DNAJC6: variants seen among roughly 807,000 people sequenced by gnomAD.
DNAJC6 encodes the protein DnaJ heat shock protein family (Hsp40) member C6, also known as auxilin.
In DNAJC6, 34 loss-of-function variants were observed where a neutral mutation model predicts 110.0. The ratio of observed to expected loss-of-function variants is 0.31; its 90% CI spans 0.24 to 0.41. DNAJC6 has a LOEUF of 0.41. DNAJC6 is among the 10% of genes least tolerant of loss of function. The pLI is 1.00. For missense variants in DNAJC6, 1,031 were observed against 1,207.8 expected (o/e 0.85, Z 2.17); for synonymous variants, 406 against 437.2 (o/e 0.93, Z 0.89).
chr1:65,289,963 C>T (rs919413018), intron 1 of DNAJC6, among the ~76,000 whole-genome samples: 2 of 152,026 alleles, frequency 1.3e-5, no homozygotes, highest in African/African-American at 4.8e-5. Flanking sequence ...GCGCCCACTG[C>T]CACACCCAGC....
Position 65,309,951 on chromosome 1 carries a change from G to A in DNAJC6, c.193+13G>A, listed in dbSNP as rs1175694712. 1.4e-6 allele frequency: 2 copies of A among 1,437,992 alleles called. No homozygotes were observed. Among genetic ancestry groups the A allele is most frequent in the African/African-American group, 1.5e-5 (1 of 66,760 alleles). The allele number at this position is 1,437,992 out of a possible 1,614,324, so 89.1% of individuals were successfully genotyped here. A position where few individuals can be genotyped will look rare whatever the true frequency, so the allele number is the denominator to read the frequency against. On this transcript the variant is annotated intron_variant, in intron 1 of 18. Transcript: ENST00000371069. ...ATGGACAGCTCAGGTAGCGCTGCCCGAGGGGAGTGCAGCGCTGAGCCCCGC... is the reference window on the plus strand; with the variant it reads ...ATGGACAGCTCAGGTAGCGCTGCCCAAGGGGAGTGCAGCGCTGAGCCCCGC...
At chr1:65,338,268 T>G (rs1404250077) in intron 1 of DNAJC6, among the ~76,000 whole-genome samples, 1 of 152,212 alleles carries the variant, frequency 6.6e-6, no homozygotes, top group African/African-American at 2.4e-5. Context: ...GTGTAATTAC[T>G]TATTTGCTTT....
At chr1:65,335,756 T>C (rs972026487) in intron 1 of DNAJC6, among the ~76,000 whole-genome samples, 2 of 152,136 alleles carry the variant, frequency 1.3e-5, no homozygotes, top group Non-Finnish European at 2.9e-5. Context: ...TAGAGCCTTG[T>C]AGGCCATTGC....
intron 1 of DNAJC6, chr1:65,345,810 A>G (rs1645432039): frequency 2.8e-6 from 1 of 353,236 alleles, no homozygotes; most frequent in Non-Finnish European, 4.0e-6. Context: ...TGTCTGGCCA[A>G]CCAAGCACAG....
chr1:65,386,687 A>T (rs1645876044), intron 7 of DNAJC6, 125 bp from the exon 8 acceptor site: 1 of 765,138 alleles, frequency 1.3e-6, no homozygotes, highest in Non-Finnish European at 2.2e-6. Flanking sequence ...GATAGGAAAT[A>T]GTTTCTGGGT....
At position 65,291,801 on chromosome 1, in the gene DNAJC6, A is replaced by G. The variant is rs556170523; in HGVS notation, c.-131+26869A>G. Among the ~76,000 whole-genome samples the G allele has an allele frequency of 1.8e-4, 27 of 152,268 alleles. No individual in the cohort carries two copies. The South Asian group carries it at 5.4e-3, about 30-fold the overall frequency. On this transcript the variant is annotated intron_variant, in intron 1 of 19. Transcript: ENST00000263441. ...AGTTTGATATGAAAAGTTTGATAGA[A>G]AAGCTTTGGATAACTTGACTAACAC...
chr1:65,323,217 G>A (rs1645212078), intron 1 of DNAJC6, among the ~76,000 whole-genome samples: 1 of 152,148 alleles, frequency 6.6e-6, no homozygotes, highest in Non-Finnish European at 1.5e-5. Context: ...CTTTTAATAT[G>A]ATTTGGCTTT....
At chr1:65,285,879 T>C (rs892352524) in intron 1 of DNAJC6, among the ~76,000 whole-genome samples, 1 of 152,030 alleles carries the variant, frequency 6.6e-6, no homozygotes, top group Non-Finnish European at 1.5e-5. Context: ...ATCATGTTGG[T>C]AGGCTGGTCT....
chr1:65,276,868 A>G (rs566386466), intron 1 of DNAJC6, among the ~76,000 whole-genome samples: 1 of 152,306 alleles, frequency 6.6e-6, no homozygotes, highest in South Asian at 2.1e-4. Flanking sequence ...GTGTCTTAAC[A>G]GCTGCCCCTT....
At position 65,299,486 on chromosome 1, in the gene DNAJC6, G is replaced by C. The variant is rs1570239751; in HGVS notation, c.-131+34554G>C. On this transcript the variant is annotated intron_variant, in intron 1 of 19. Transcript: ENST00000263441. ...AGGCAGTCTCTGGATAGCAGGATGA[G>C]ATGGAGTGATCACTGGCTTTGGAGT... Among the ~76,000 whole-genome samples, 7 of 152,352 alleles carry C rather than the reference G, an allele frequency of 4.6e-5. 1 individual carries two copies. The East Asian group carries it at 1.4e-3, about 29-fold the overall frequency.
chr1:65,350,015 A>G (rs910519563), intron 1 of DNAJC6, among the ~76,000 whole-genome samples: 6 of 152,206 alleles, frequency 3.9e-5, no homozygotes, highest in African/African-American at 1.4e-4. Context: ...CCCACAACAA[A>G]GAATTATCCA....
At chr1:65,291,036 T>C (rs1415388444) in intron 1 of DNAJC6, among the ~76,000 whole-genome samples, 1 of 152,226 alleles carries the variant, frequency 6.6e-6, no homozygotes, top group Non-Finnish European at 1.5e-5. Flanking sequence ...TTATTGAATT[T>C]TTTGTTTGTT....
intron 1 of DNAJC6, among the ~76,000 whole-genome samples, chr1:65,300,035 C>G (rs1454927185): frequency 8.5e-6 from 1 of 117,914 alleles, no homozygotes; most frequent in Non-Finnish European, 1.7e-5. Flanking sequence ...AGTGTGAAAA[C>G]TCCATCTCAA....
intron 1 of DNAJC6, among the ~76,000 whole-genome samples, chr1:65,276,613 C>T (rs1653683611): frequency 6.6e-6 from 1 of 152,084 alleles, no homozygotes; most frequent in Admixed American, 6.5e-5. Flanking sequence ...ACCCTAAACT[C>T]TAATTTTTGT....
rs138017664 is a variant in DNAJC6 at position 65,281,297 on chromosome 1, C to G, written c.-131+16365C>G. Among the ~76,000 whole-genome samples the G allele has an allele frequency of 5.3e-4, 81 of 152,222 alleles. 1 individual carries two copies. The highest frequency in any genetic ancestry group is 2.0e-3 in the Admixed American group (30 of 15,290). ...TTAAAATTGAGATATAATTCACATA[C>G]CATAAAATTCACCTTTTCAAAGTGT... On this transcript the variant is annotated intron_variant, in intron 1 of 19. Transcript: ENST00000263441.
At chr1:65,406,911 CTTA>C (rs1557566746) in intron 16 of DNAJC6, among the ~76,000 whole-genome samples, 1 of 152,148 alleles carries the variant, frequency 6.6e-6, no homozygotes, top group African/African-American at 2.4e-5. Flanking sequence ...AAAGGCAATT[CTTA>C]TGCTCTTCCT....
chr1:65,345,551 C>T (rs941187913), intron 1 of DNAJC6: 3 of 590,966 alleles, frequency 5.1e-6, no homozygotes, highest in Non-Finnish European at 6.4e-6. Context: ...ATCCTAGGTT[C>T]TTTTAATCAC....
chr1:65,407,141 C>T (rs975910745), intron 16 of DNAJC6, among the ~76,000 whole-genome samples: 2 of 152,170 alleles, frequency 1.3e-5, no homozygotes, highest in African/African-American at 4.8e-5. Flanking sequence ...GATGAAACCT[C>T]GCACTGTCTT....
intron 14 of DNAJC6, among the ~76,000 whole-genome samples, chr1:65,401,515 C>T (rs113466297): frequency 6.6e-6 from 1 of 152,110 alleles, no homozygotes; most frequent in African/African-American, 2.4e-5. Context: ...GGAAATAAAA[C>T]AAACACTGGA....
Sources: gnomAD v4.1 joint callset for allele counts (sites outside exome capture counted in the v4.1 genomes callset) on GRCh38, gnomAD v4.1.1 for gene constraint, MANE v1.5 for transcripts, NCBI Gene and HGNC (gene_info 2026-07-23, HGNC 2026-07-21) for gene names.